ZNF675: variants seen among roughly 807,000 people sequenced by gnomAD.
ZNF675 encodes the protein TRAF6 inhibitory zinc finger.
ZNF675 carries 36 observed loss-of-function variants against 56.1 expected under a neutral mutation model. That is an observed-to-expected ratio of 0.64 (90% confidence interval 0.49 to 0.85). ZNF675 has a LOEUF of 0.85. Among genes scored for constraint, ZNF675 ranks in the 40% least tolerant of loss-of-function variants. ZNF675 has a pLI of 0.00. For missense variants in ZNF675, 663 were observed against 654.2 expected, an observed-to-expected ratio of 1.01 and a Z score of -0.15; for synonymous variants, 200 against 218.9, an observed-to-expected ratio of 0.91 and a Z score of 0.76.
intron 1 of ZNF675, among the ~76,000 whole-genome samples, chr19:23,666,352 T>C (rs1267013553): frequency 6.6e-6 from 1 of 152,212 alleles, no homozygotes; most frequent in South Asian, 2.1e-4. Flanking sequence ...ATTGTGACCT[T>C]TTTAACTTTG....
intron 1 of ZNF675, among the ~76,000 whole-genome samples, chr19:23,667,020 C>T (rs1015109281): frequency 6.6e-5 from 10 of 152,122 alleles, no homozygotes; most frequent in Admixed American, 5.9e-4. Flanking sequence ...CGCGGACCCT[C>T]GTGGTGAGTG....
intron 1 of ZNF675, among the ~76,000 whole-genome samples, chr19:23,668,527 A>G (rs6511481): frequency 0.96 from 146,121 of 152,196 alleles, 70,465 homozygotes; most frequent in Middle Eastern, 1. Flanking sequence ...CCATGCGCTC[A>G]CACTCCTCAG....
intron 1 of ZNF675, among the ~76,000 whole-genome samples, chr19:23,678,144 C>A (rs1488138062): frequency 6.6e-6 from 1 of 151,388 alleles, no homozygotes; most frequent in East Asian, 1.9e-4. Context: ...TCAGAGATGA[C>A]GCAAACAAAT....
intron 1 of ZNF675, among the ~76,000 whole-genome samples, chr19:23,671,811 TGA>T (rs1968229858): frequency 6.6e-6 from 1 of 152,018 alleles, no homozygotes; most frequent in South Asian, 2.1e-4. Context: ...TTAGTTTATC[TGA>T]GTCTCCAGAC....
At chr19:23,660,845 T>G (rs1277642220) in intron 3 of ZNF675, among the ~76,000 whole-genome samples, 1 of 152,148 alleles carries the variant, frequency 6.6e-6, no homozygotes, top group African/African-American at 2.4e-5. Context: ...ATTCTAAAAT[T>G]TAAATGAAAC....
At chr19:23,661,033 G>A (rs995274187) in intron 3 of ZNF675, among the ~76,000 whole-genome samples, 14 of 151,536 alleles carry the variant, frequency 9.2e-5, no homozygotes, top group Admixed American at 7.9e-4. Flanking sequence ...GGGTTCAAGC[G>A]ATTCTCCTGC....
intron 3 of ZNF675, among the ~76,000 whole-genome samples, chr19:23,661,544 G>A (rs1968078618): frequency 6.6e-6 from 1 of 151,904 alleles, no homozygotes; most frequent in Admixed American, 6.6e-5. Context: ...CACAAAATTA[G>A]CCGGGTGTGG....
Position 23,661,952 on chromosome 19 carries a change from CAG to C in ZNF675, c.226+160_226+161del, listed in dbSNP as rs1968084819. 8 of 578,992 alleles carry C rather than the reference CAG, an allele frequency of 1.4e-5. No homozygotes were observed. In the South Asian group the frequency reaches 1.7e-4, roughly 12 times the overall value. The allele number at this position is 578,992 out of a possible 1,614,324, so 35.9% of individuals were successfully genotyped here. A position where few individuals can be genotyped will look rare whatever the true frequency, so the allele number is the denominator to read the frequency against. On this transcript the variant is annotated intron_variant, in intron 3 of 3. Coordinates refer to ENST00000359788, the MANE Select transcript of ZNF675 (RefSeq NM_138330.3). ...CCTTAGAGAATTTAAAAGCATAAGA[CAG>C]AAAATGCTCAAATGTGAGAGCATAA...
At chr19:23,660,031 C>T (rs562354754) in intron 3 of ZNF675, among the ~76,000 whole-genome samples, 2 of 151,838 alleles carry the variant, frequency 1.3e-5, no homozygotes, top group African/African-American at 4.8e-5. Context: ...CATATGCAGA[C>T]CCTACTGCAA....
intron 1 of ZNF675, among the ~76,000 whole-genome samples, chr19:23,677,948 C>T (rs899740670): frequency 1.3e-5 from 2 of 151,400 alleles, no homozygotes; most frequent in African/African-American, 4.9e-5. Flanking sequence ...AGAGAAACCC[C>T]ATCTCTGCCT....
chr19:23,676,456 A>G (rs926793020), intron 1 of ZNF675, among the ~76,000 whole-genome samples: 1 of 151,840 alleles, frequency 6.6e-6, no homozygotes, highest in African/African-American at 2.4e-5. Flanking sequence ...AAAATCATCA[A>G]CAAAATACTG....
chr19:23,681,806 A>G (rs1372518439), intron 1 of ZNF675, among the ~76,000 whole-genome samples: 1 of 151,840 alleles, frequency 6.6e-6, no homozygotes, highest in Admixed American at 6.6e-5. Context: ...GAACTCAGTG[A>G]AACACTGTAG....
Position 23,654,266 on chromosome 19 carries a change from T to C in ZNF675, c.667A>G (p.Thr223Ala), listed in dbSNP as rs1366880296. 1.9e-6 allele frequency: 3 copies of C among 1,612,652 alleles called. No homozygotes were observed. The highest frequency in any genetic ancestry group is 2.7e-5 in the African/African-American group (2 of 74,854). ...TGACATTTGTAGAGTTTCTCACAAG[T>C]ATAAATTCTTTTATGTTTAGTAAGC... Reference protein sequence around the residue: ...SKLTKHKRIYTCEKLYKCQEC... With the variant: ...SKLTKHKRIYACEKLYKCQEC... The change falls in exon 4 of 4, where the codon ACT (threonine) becomes GCT (alanine). Residue 223 changes from threonine (T) to alanine (A), a missense_variant. Coordinates refer to ENST00000359788, the MANE Select transcript of ZNF675 (RefSeq NM_138330.3).
chr19:23,686,163 T>C (rs1253643784), intron 1 of ZNF675: 2 of 152,304 alleles, frequency 1.3e-5, no homozygotes, highest in Non-Finnish European at 1.5e-5. Flanking sequence ...TTAATTTGGT[T>C]TTCTTCATCA....
intron 3 of ZNF675, among the ~76,000 whole-genome samples, chr19:23,658,931 C>T (rs1437430714): frequency 1.8e-3 from 26 of 14,618 alleles, no homozygotes; most frequent in South Asian, 2.9e-3. Flanking sequence ...CTATAGATAC[C>T]GATCTATAGA....
intron 1 of ZNF675, among the ~76,000 whole-genome samples, chr19:23,680,537 T>A (rs1222203059): frequency 6.6e-6 from 1 of 151,254 alleles, no homozygotes; most frequent in Non-Finnish European, 1.5e-5. Context: ...GGTGGGTGAA[T>A]CATGAGGTCA....
At chr19:23,677,528 A>T (rs1056564095) in intron 1 of ZNF675, among the ~76,000 whole-genome samples, 1 of 150,676 alleles carries the variant, frequency 6.6e-6, no homozygotes, top group Non-Finnish European at 1.5e-5. Flanking sequence ...CAACATGGGG[A>T]AACCTCATCT....
intron 1 of ZNF675, among the ~76,000 whole-genome samples, chr19:23,668,096 G>C (rs1332546223): frequency 6.7e-6 from 1 of 150,190 alleles, no homozygotes; most frequent in Non-Finnish European, 1.5e-5. Context: ...CACCAGAGCA[G>C]CTAGATACAG....
At chr19:23,670,751 T>C (rs1297536217) in intron 1 of ZNF675, among the ~76,000 whole-genome samples, 3 of 152,196 alleles carry the variant, frequency 2.0e-5, no homozygotes, top group Non-Finnish European at 4.4e-5. Flanking sequence ...GCTAGGAAGC[T>C]ATTCTGAGAA....
Sources: gnomAD v4.1 joint callset for allele counts (sites outside exome capture counted in the v4.1 genomes callset) on GRCh38, gnomAD v4.1.1 for gene constraint, MANE v1.5 for transcripts, NCBI Gene and HGNC (gene_info 2026-07-23, HGNC 2026-07-21) for gene names.